PTPN21: variants seen among roughly 807,000 people sequenced by gnomAD.
PTPN21 encodes tyrosine-protein phosphatase non-receptor type 21.
Under a neutral mutation model 131.8 loss-of-function variants are expected in PTPN21, and 77 were observed. The observed-to-expected ratio is 0.58, with a 90% CI of 0.49 to 0.71. The LOEUF is 0.71. Among genes scored for constraint, PTPN21 ranks in the 30% least tolerant of loss-of-function variants. The probability of loss-of-function intolerance (pLI) is 0.00; values close to 1 mark genes in which losing one functional copy is unlikely to be tolerated. For missense variants in PTPN21, 1,552 were observed against 1,527.1 expected (o/e 1.02, Z -0.27); for synonymous variants, 715 against 621.3 (o/e 1.15, Z -2.24).
chr14:88,499,928 T>C (rs1326541235), intron 8 of PTPN21, among the ~76,000 whole-genome samples: 1 of 152,214 alleles, frequency 6.6e-6, no homozygotes, highest in Non-Finnish European at 1.5e-5. Context: ...ACCTGTACTT[T>C]CATTGTTCAG....
At chr14:88,503,053 CTT>C (rs576430469) in intron 6 of PTPN21, among the ~76,000 whole-genome samples, 38 of 140,898 alleles carry the variant, frequency 2.7e-4, no homozygotes, top group Admixed American at 3.6e-4. Flanking sequence ...AAATCTTTTT[CTT>C]TTTTTTTTTT....
chr14:88,488,781 G>A (rs1400713496), intron 10 of PTPN21, among the ~76,000 whole-genome samples: 4 of 152,104 alleles, frequency 2.6e-5, no homozygotes, highest in East Asian at 3.9e-4. Flanking sequence ...TCCCATCTGC[G>A]AATTCCCACC....
chr14:88,484,047 G>GT (rs57042782), intron 12 of PTPN21, among the ~76,000 whole-genome samples: 46,632 of 143,588 alleles, frequency 0.32, 7,504 homozygotes, highest in South Asian at 0.41. Context: ...ATTCTAAGGT[G>GT]TTTTTTTTTT....
intron 2 of PTPN21, among the ~76,000 whole-genome samples, chr14:88,536,001 T>C (rs569797735): frequency 6.6e-6 from 1 of 152,338 alleles, no homozygotes; most frequent in South Asian, 2.1e-4. Context: ...TATATAACTT[T>C]CCAGTGCTTT....
At chr14:88,480,880 C>A (rs1175019870) in intron 12 of PTPN21, among the ~76,000 whole-genome samples, 1 of 152,220 alleles carries the variant, frequency 6.6e-6, no homozygotes, top group Non-Finnish European at 1.5e-5. Flanking sequence ...GTGTCACCAG[C>A]AGCCACACAG....
At chr14:88,526,288 A>G (rs754381261) in intron 2 of PTPN21, among the ~76,000 whole-genome samples, 4 of 152,132 alleles carry the variant, frequency 2.6e-5, no homozygotes. Context: ...GGTGGCTCAC[A>G]TCTATAATCC....
At chr14:88,486,933 G>A (rs1332200719) in intron 10 of PTPN21, among the ~76,000 whole-genome samples, 3 of 144,478 alleles carry the variant, frequency 2.1e-5, no homozygotes, top group Non-Finnish European at 3.0e-5. Context: ...CCGAGATTGC[G>A]CCATTGCACT....
intron 2 of PTPN21, among the ~76,000 whole-genome samples, chr14:88,546,237 T>C (rs999640868): frequency 6.6e-6 from 1 of 151,714 alleles, no homozygotes; most frequent in Non-Finnish European, 1.5e-5. Flanking sequence ...CTGGGTATAG[T>C]GTTATACTAT....
At chr14:88,547,297 G>GA (rs11299114) in intron 2 of PTPN21, among the ~76,000 whole-genome samples, 33 of 139,462 alleles carry the variant, frequency 2.4e-4, no homozygotes, top group African/African-American at 4.5e-4. Flanking sequence ...ACCATAATAG[G>GA]AAAAAAAAAA....
intron 8 of PTPN21, among the ~76,000 whole-genome samples, chr14:88,500,059 A>T (rs1174349954): frequency 6.6e-6 from 1 of 152,210 alleles, no homozygotes; most frequent in African/African-American, 2.4e-5. Flanking sequence ...TATAAAAAAT[A>T]ATTGAAATTT....
rs370957755 is a variant in PTPN21 at position 88,479,762 on chromosome 14, T to C, written c.1669A>G (p.Ile557Val). 6 of 1,544,662 alleles carry C rather than the reference T, an allele frequency of 3.9e-6. No homozygotes were observed. Among genetic ancestry groups the C allele is most frequent in the South Asian group, 3.7e-5 (3 of 81,012 alleles). The change falls in exon 13 of 19, where the codon ATC becomes GTC. Residue 557 changes from isoleucine to valine, a missense_variant. By Grantham distance (29) the Ile-to-Val change is conservative. This residue lies in a region of PTPN21 where 1,016 missense variants were observed against 883.5 expected (regional missense o/e 1.15). Transcript: ENST00000556564. ...LQAQDYPSPN[I>V]MRTQVYRPPP... ...GGCCGGTACACCTGCGTCCGCATGA[T>C]GTTGGGAGACGGGTAGTCCTGCGCC...
rs772716273 is a variant in PTPN21 at position 88,480,031 on chromosome 14, C to T, written c.1400G>A (p.Arg467Gln). 3.1e-6 allele frequency: 5 copies of T among 1,613,840 alleles called. No individual in the cohort carries two copies. The highest frequency in any genetic ancestry group is 2.2e-5 in the East Asian group (1 of 44,876). The stretch of plus-strand genomic sequence containing the variant: ...GAGGTTTCGCAGCGAGTGGCTCTGC[C>T]GTTCCGCATGCACCAGGCCCCTGTT... ...QLNRGLVHAE[R>Q]QSHSLRNLNI... The change falls in exon 13 of 19, where the codon CGG (arginine) becomes CAG (glutamine). Residue 467 changes from arginine (R) to glutamine (Q), a missense_variant. Arg to Gln is a conservative substitution (Grantham distance 43). Coordinates refer to ENST00000556564, the MANE Select transcript of PTPN21 (RefSeq NM_007039.4).
At chr14:88,534,546 G>T (rs2078601951) in intron 2 of PTPN21, among the ~76,000 whole-genome samples, 2 of 152,146 alleles carry the variant, frequency 1.3e-5, no homozygotes, top group Admixed American at 1.3e-4. Context: ...TTAAAAGTTT[G>T]TAAAGCAAAA....
intron 8 of PTPN21, among the ~76,000 whole-genome samples, chr14:88,499,556 G>A (rs1191721240): frequency 6.6e-6 from 1 of 152,036 alleles, no homozygotes; most frequent in Admixed American, 6.6e-5. Flanking sequence ...GGGTCACCAT[G>A]GACAAATCAC....
intron 12 of PTPN21, among the ~76,000 whole-genome samples, chr14:88,481,176 G>A (rs73314151): frequency 6.6e-6 from 1 of 152,052 alleles, no homozygotes; most frequent in Non-Finnish European, 1.5e-5. Context: ...CCTCTGAAAG[G>A]CATTCTTTTT....
At chr14:88,541,216 T>C (rs12323553) in intron 2 of PTPN21, among the ~76,000 whole-genome samples, 9,174 of 152,288 alleles carry the variant, frequency 0.06, 361 homozygotes, top group African/African-American at 0.11. Flanking sequence ...ATTTGTGACA[T>C]ACACAGTTTC....
intron 4 of PTPN21, among the ~76,000 whole-genome samples, chr14:88,506,080 C>T (rs2078083169): frequency 1.3e-5 from 2 of 152,172 alleles, no homozygotes; most frequent in African/African-American, 2.4e-5. Context: ...TGGCTCACAC[C>T]TATAATCCCA....
chr14:88,551,401 A>G (rs1051614199), intron 1 of PTPN21: 3 of 152,114 alleles, frequency 2.0e-5, no homozygotes, highest in African/African-American at 7.2e-5. Context: ...CAAACCCAAG[A>G]AGCCCACGGG....
intron 2 of PTPN21, among the ~76,000 whole-genome samples, chr14:88,521,195 C>A (rs1412496208): frequency 2.6e-5 from 4 of 152,060 alleles, no homozygotes; most frequent in African/African-American, 9.7e-5. Flanking sequence ...ATTCTCTCCA[C>A]CAACAAAATC....
Sources: gnomAD v4.1 joint callset for allele counts (sites outside exome capture counted in the v4.1 genomes callset) on GRCh38, gnomAD v4.1.1 for gene constraint, gnomAD v4.1.1 regional missense constraint, MANE v1.5 for transcripts, NCBI Gene and HGNC (gene_info 2026-07-23, HGNC 2026-07-21) for gene names.